PCDH7: variants seen among roughly 807,000 people sequenced by gnomAD.
PCDH7 encodes protocadherin-7.
In PCDH7, 17 loss-of-function variants were observed where a neutral mutation model predicts 58.9. The ratio of observed to expected loss-of-function variants is 0.29; its 90% CI spans 0.20 to 0.43. The LOEUF (loss-of-function observed/expected upper bound fraction) is 0.43, where lower values mean the gene tolerates loss of function less well. Among genes scored for constraint, PCDH7 ranks in the 20% least tolerant of loss-of-function variants. PCDH7 has a pLI of 1.00. For missense variants in PCDH7, 1,274 were observed against 1,441.0 expected, an observed-to-expected ratio of 0.88 and a Z score of 1.88; for synonymous variants, 664 against 616.4, an observed-to-expected ratio of 1.08 and a Z score of -1.14.
At chr4:30,959,562 T>G (rs528094809) in intron 3 of PCDH7, among the ~76,000 whole-genome samples, 1 of 152,316 alleles carries the variant, frequency 6.6e-6, no homozygotes, top group South Asian at 2.1e-4. Flanking sequence ...TGCACAGAAG[T>G]ATGTTTCCTG....
At chr4:30,892,091 A>G (rs1255477949) in intron 1 of PCDH7, among the ~76,000 whole-genome samples, 11 of 152,112 alleles carry the variant, frequency 7.2e-5, no homozygotes, top group Non-Finnish European at 1.0e-4. Context: ...ATGTTTAATA[A>G]CAGAAAGGCC....
At chr4:31,029,112 A>T (rs1381518718) in intron 3 of PCDH7, among the ~76,000 whole-genome samples, 1 of 152,202 alleles carries the variant, frequency 6.6e-6, no homozygotes, top group East Asian at 1.9e-4. Flanking sequence ...CTTGTTAATC[A>T]TTTCTTTGAT....
chr4:31,054,860 C>T (rs1353072126), intron 3 of PCDH7, among the ~76,000 whole-genome samples: 1 of 152,134 alleles, frequency 6.6e-6, no homozygotes, highest in African/African-American at 2.4e-5. Flanking sequence ...ATTTTCTTCA[C>T]ATAGCATCTT....
intron 1 of PCDH7, among the ~76,000 whole-genome samples, chr4:30,879,911 G>A (rs1453635078): frequency 6.6e-6 from 1 of 151,976 alleles, no homozygotes; most frequent in Non-Finnish European, 1.5e-5. Flanking sequence ...AAAGATAGAA[G>A]CCTTTTCTTG....
At chr4:31,067,956 A>G (rs75399245) in intron 3 of PCDH7, among the ~76,000 whole-genome samples, 2,907 of 152,044 alleles carry the variant, frequency 0.019, 88 homozygotes, top group African/African-American at 0.066. Flanking sequence ...ACTTTTTAAT[A>G]CTTGCTATCT....
intron 2 of PCDH7, among the ~76,000 whole-genome samples, chr4:30,928,506 A>G (rs896299737): frequency 6.6e-6 from 1 of 152,314 alleles, no homozygotes; most frequent in Non-Finnish European, 1.5e-5. Flanking sequence ...AAATTTAAGT[A>G]AAGGAGAAAG....
chr4:30,938,270 G>T (rs903586274), intron 2 of PCDH7, among the ~76,000 whole-genome samples: 1 of 151,966 alleles, frequency 6.6e-6, no homozygotes, highest in Admixed American at 6.6e-5. Context: ...TAATATTTTT[G>T]TACTTCATTT....
downstream of PCDH7, among the ~76,000 whole-genome samples, chr4:30,734,183 G>A (rs1006308462): frequency 2.6e-5 from 4 of 151,550 alleles, no homozygotes; most frequent in Non-Finnish European, 4.4e-5. Context: ...TTTCTTTGAT[G>A]TGCGTGACTT....
intron 2 of PCDH7, among the ~76,000 whole-genome samples, chr4:30,936,739 A>T (rs1745383861): frequency 6.6e-6 from 1 of 151,938 alleles, no homozygotes; most frequent in African/African-American, 2.4e-5. Context: ...ACGGTCAAAT[A>T]TTTACTTCAC....
intron 1 of PCDH7, among the ~76,000 whole-genome samples, chr4:30,840,721 G>A (rs1731099275): frequency 6.6e-6 from 1 of 152,032 alleles, no homozygotes; most frequent in Non-Finnish European, 1.5e-5. Flanking sequence ...TTTAAGAGAT[G>A]GCAAAACAGG....
intron 3 of PCDH7, among the ~76,000 whole-genome samples, chr4:31,040,591 A>G (rs1180418843): frequency 6.6e-6 from 1 of 152,224 alleles, no homozygotes; most frequent in Admixed American, 6.5e-5. Context: ...TTAATCAGAA[A>G]CTAAAAACAT....
intron 1 of PCDH7, among the ~76,000 whole-genome samples, chr4:30,841,782 T>C (rs1006685791): frequency 6.6e-6 from 1 of 152,106 alleles, no homozygotes; most frequent in Non-Finnish European, 1.5e-5. Flanking sequence ...TGTCTCCTTA[T>C]AATTTCCAGT....
chr4:30,851,763 G>A (rs758558983), intron 1 of PCDH7, among the ~76,000 whole-genome samples: 1 of 151,874 alleles, frequency 6.6e-6, no homozygotes, highest in African/African-American at 2.4e-5. Flanking sequence ...TTTAAGTAAT[G>A]GTTATCATTA....
At chr4:30,731,069 C>T (rs766414138) in exon 2 of PCDH7, 5 of 1,140,230 alleles carry the variant, frequency 4.4e-6, no homozygotes, top group Non-Finnish European at 3.2e-6. Flanking sequence ...ACCTATTAGA[C>T]GTAACAGTGA....
At chr4:30,758,465 A>T (rs1366410742) in intron 1 of PCDH7, among the ~76,000 whole-genome samples, 1 of 152,232 alleles carries the variant, frequency 6.6e-6, no homozygotes, top group Non-Finnish European at 1.5e-5. Context: ...TTACAGTTCC[A>T]GTATGAGCAG....
intron 3 of PCDH7, among the ~76,000 whole-genome samples, chr4:31,020,743 A>G (rs10026905): frequency 0.54 from 82,875 of 152,124 alleles, 26,406 homozygotes; most frequent in African/African-American, 0.88. Flanking sequence ...GATTCTCTCT[A>G]CTTTAATTCA....
rs554539644 is a variant in PCDH7, at chr4:31,110,964, AG to A, written c.*8-31508del. On this transcript the variant is annotated intron_variant, in intron 3 of 3. Coordinates refer to the PCDH7 transcript ENST00000509759. Reference sequence around the variant, plus strand: ...CAAACACTAACTTAGATCATGTAAAAGTCAAGTTTAAAGTAATGTAGGACAT... The same window carrying A: ...CAAACACTAACTTAGATCATGTAAAATCAAGTTTAAAGTAATGTAGGACAT... 9.2e-4 allele frequency among the ~76,000 whole-genome samples: 140 copies of A among 152,200 alleles called. 1 individual carries two copies. Among genetic ancestry groups the A allele is most frequent in the Non-Finnish European group, 1.8e-3 (119 of 67,978 alleles).
In PCDH7 at chr4:31,070,674, T is replaced by G. The variant is rs73812511; in HGVS notation, c.*8-71799T>G. Among the ~76,000 whole-genome samples, 80 of 152,200 alleles carry G rather than the reference T, an allele frequency of 5.3e-4. 1 individual carries two copies. Among genetic ancestry groups the G allele is most frequent in the African/African-American group, 1.8e-3 (76 of 41,564 alleles). On this transcript the variant is annotated intron_variant, in intron 3 of 3. Transcript: ENST00000509759. ...TTTAAATTACTGTAGCCTATGGAAA[T>G]ATTTCTTCCCAAATATAGAATTGTT...
At chr4:30,820,667 A>G (rs1040096714) in intron 1 of PCDH7, among the ~76,000 whole-genome samples, 4 of 152,116 alleles carry the variant, frequency 2.6e-5, no homozygotes, top group African/African-American at 9.7e-5. Context: ...CCATCACATC[A>G]TATATAAATG....
Sources: gnomAD v4.1 joint callset for allele counts (sites outside exome capture counted in the v4.1 genomes callset) on GRCh38, gnomAD v4.1.1 for gene constraint, MANE v1.5 for transcripts, NCBI Gene and HGNC (gene_info 2026-07-23, HGNC 2026-07-21) for gene names.